The following PLA1A variants were observed in gnomAD, a reference collection of about 807,000 sequenced individuals.
PLA1A encodes phosphatidylserine-specific phospholipase A1alpha.
A neutral mutation model predicts 49.4 loss-of-function variants in PLA1A; 47 were observed. That is an observed-to-expected ratio of 0.95 (90% CI 0.75 to 1.21). PLA1A has a LOEUF of 1.21. PLA1A is among the 50% of genes most tolerant of loss of function. The pLI, the probability that PLA1A is intolerant of heterozygous loss-of-function variation, is 0.00. For missense variants in PLA1A, 561 were observed against 563.9 expected (o/e 0.99, Z 0.05); for synonymous variants, 224 against 207.9 (o/e 1.08, Z -0.67).
chr3:119,600,394 C>T (rs1238718427), intron 1 of PLA1A: 3 of 702,878 alleles, frequency 4.3e-6, no homozygotes, highest in Admixed American at 4.0e-5. Context: ...ACAAGTCTTC[C>T]TCCATCTGGG....
At chr3:119,611,830 G>A (rs537933599) in intron 4 of PLA1A, among the ~76,000 whole-genome samples, 25 of 152,256 alleles carry the variant, frequency 1.6e-4, no homozygotes, top group African/African-American at 4.6e-4. Context: ...TTCCTATTTA[G>A]ATGCCTTTTA....
intron 8 of PLA1A, among the ~76,000 whole-genome samples, chr3:119,621,356 A>G (rs1364411546): frequency 6.6e-6 from 1 of 152,244 alleles, no homozygotes; most frequent in Non-Finnish European, 1.5e-5. Flanking sequence ...AGAGGGGCAC[A>G]TAAACAGGCA....
At chr3:119,622,798 T>C (rs1334701934) in intron 8 of PLA1A, among the ~76,000 whole-genome samples, 1 of 151,594 alleles carries the variant, frequency 6.6e-6, no homozygotes, top group Non-Finnish European at 1.5e-5. Context: ...AAGGACAGTG[T>C]GTTAGGGAAA....
intron 1 of PLA1A, among the ~76,000 whole-genome samples, chr3:119,599,206 T>A (rs761235106): frequency 6.6e-6 from 1 of 152,162 alleles, no homozygotes; most frequent in African/African-American, 2.4e-5. Context: ...CTAGAGATGA[T>A]CCTTACCAGA....
chr3:119,628,597 T>C (rs1456218027), intron 9 of PLA1A, 104 bp from the exon 10 acceptor site: 1 of 1,021,372 alleles, frequency 9.8e-7, no homozygotes, highest in Non-Finnish European at 1.5e-6. Flanking sequence ...CCTTGGTGCA[T>C]GACAGCCAAC....
chr3:119,600,465 C>T, intron 1 of PLA1A: 1 of 700,550 alleles, frequency 1.4e-6, no homozygotes, highest in Non-Finnish European at 2.6e-6. Flanking sequence ...GATCTTACAT[C>T]CCTATTTGCT....
chr3:119,608,237 A>AGAG (rs2082716607), intron 2 of PLA1A, among the ~76,000 whole-genome samples: 1 of 122,606 alleles, frequency 8.2e-6, no homozygotes, highest in Non-Finnish European at 1.9e-5. Flanking sequence ...AGAGAGAAAG[A>AGAG]AAGAGAGAAA....
chr3:119,606,138 G>T (rs2082684374), intron 1 of PLA1A, among the ~76,000 whole-genome samples: 1 of 152,200 alleles, frequency 6.6e-6, no homozygotes, highest in South Asian at 2.1e-4. Flanking sequence ...GAAGTGCCAT[G>T]GACTGGGTGG....
At chr3:119,609,702 C>T (rs2082739642) in intron 4 of PLA1A, 126 bp downstream of exon 4, 2 of 524,302 alleles carry the variant, frequency 3.8e-6, no homozygotes, top group South Asian at 6.2e-5. Flanking sequence ...TCACCTATTA[C>T]CACTAAAATT....
intron 1 of PLA1A, among the ~76,000 whole-genome samples, chr3:119,605,957 C>T (rs1577138097): frequency 6.6e-6 from 1 of 152,264 alleles, no homozygotes; most frequent in African/African-American, 2.4e-5. Flanking sequence ...TATGGCAGGG[C>T]TCTTGACTGC....
At chr3:119,616,141 A>G (rs761731145) in intron 6 of PLA1A, 40 bp downstream of exon 6, 19 of 1,239,528 alleles carry the variant, frequency 1.5e-5, no homozygotes, top group African/African-American at 8.9e-5. Flanking sequence ...GCAACCCCGG[A>G]GATTGAAATT....
At chr3:119,607,704 T>A (rs1354483619) in intron 2 of PLA1A, among the ~76,000 whole-genome samples, 1 of 152,194 alleles carries the variant, frequency 6.6e-6, no homozygotes, top group Non-Finnish European at 1.5e-5. Context: ...TCCTTAGGCA[T>A]CTCTCCTTGC....
chr3:119,604,573 T>C (rs1476340915), intron 1 of PLA1A, among the ~76,000 whole-genome samples: 1 of 152,114 alleles, frequency 6.6e-6, no homozygotes, highest in African/African-American at 2.4e-5. Flanking sequence ...TTCATGATGA[T>C]AGAGAGTAGT....
intron 10 of PLA1A, 75 bp downstream of exon 10, chr3:119,628,940 C>T: frequency 1.7e-6 from 2 of 1,170,560 alleles, no homozygotes; most frequent in South Asian, 2.7e-5. Context: ...GATGTGCTGC[C>T]TATTGAGGTT....
At chr3:119,617,967 A>C in intron 6 of PLA1A, 52 bp from the exon 7 acceptor site, 1 of 1,418,106 alleles carries the variant, frequency 7.1e-7, no homozygotes, top group Non-Finnish European at 9.8e-7. Context: ...TAAACAGCAT[A>C]GATTTCCATT....
intron 1 of PLA1A, among the ~76,000 whole-genome samples, chr3:119,605,582 G>A (rs2082675515): frequency 6.6e-6 from 1 of 152,238 alleles, no homozygotes; most frequent in African/African-American, 2.4e-5. Context: ...CTCTGATTCT[G>A]TGAATCACTT....
intron 5 of PLA1A, among the ~76,000 whole-genome samples, chr3:119,614,087 A>G (rs987262768): frequency 4.6e-5 from 7 of 152,118 alleles, no homozygotes; most frequent in Admixed American, 3.9e-4. Flanking sequence ...GAGAAATAAC[A>G]TCTGTCCCTG....
chr3:119,618,747 A>C (rs1242694418), intron 7 of PLA1A, among the ~76,000 whole-genome samples: 4 of 141,270 alleles, frequency 2.8e-5, no homozygotes, highest in Non-Finnish European at 6.3e-5. Flanking sequence ...TGCTATGCAT[A>C]TCCCGTGGTT....
In PLA1A at chr3:119,625,708, C is replaced by T. The variant is rs77082881; in HGVS notation, c.1121+476C>T. On this transcript the variant is annotated intron_variant, in intron 9 of 10. Coordinates refer to ENST00000273371, the MANE Select transcript of PLA1A (RefSeq NM_015900.4). ...CACAGGGTCAGTCAGCAACGGAGTG[C>T]GAGCTGAGGGCCAGACTAGCGGCCA... Among the ~76,000 whole-genome samples the T allele has an allele frequency of 5.5e-3, 837 of 152,228 alleles. 8 individuals are homozygous for T. The highest frequency in any genetic ancestry group is 0.019 in the African/African-American group (796 of 41,514).
Sources: allele counts gnomAD v4.1 joint callset (sites outside exome capture counted in the v4.1 genomes callset), GRCh38; gene constraint gnomAD v4.1.1; transcripts MANE v1.5; gene names NCBI Gene and HGNC (gene_info 2026-07-23, HGNC 2026-07-21).